The following USP6 variants were observed in gnomAD, a reference collection of about 807,000 sequenced individuals.
USP6 encodes the protein ubiquitin specific peptidase 6.
In USP6, 128 loss-of-function variants were observed where a neutral mutation model predicts 175.7. That is an observed-to-expected ratio of 0.73 (90% CI 0.63 to 0.84). The LOEUF is 0.84. Ranked by LOEUF, USP6 falls within the 40% of genes least tolerant of loss-of-function variation. The pLI, the probability that USP6 is intolerant of heterozygous loss-of-function variation, is 0.00. For synonymous variants in USP6, 562 were observed against 630.6 expected (o/e 0.89, Z 1.63); for missense variants, 1,498 against 1,760.3 (o/e 0.85, Z 2.67).
intron 6 of USP6, among the ~76,000 whole-genome samples, chr17:5,127,233 G>A (rs1225968557): frequency 1.3e-5 from 2 of 151,894 alleles, no homozygotes; most frequent in African/African-American, 4.8e-5. Context: ...GGGCTCCGCC[G>A]CCCCTAGTCC....
chr17:5,165,984 C>A (rs1454432837), intron 33 of USP6, among the ~76,000 whole-genome samples: 4 of 152,218 alleles, frequency 2.6e-5, no homozygotes, highest in Admixed American at 2.0e-4. Flanking sequence ...AGCTTACTCT[C>A]ATTTGTGGTT....
intron 31 of USP6, among the ~76,000 whole-genome samples, chr17:5,157,451 CA>C (rs2073908522): frequency 6.6e-6 from 1 of 152,134 alleles, no homozygotes; most frequent in Non-Finnish European, 1.5e-5. Context: ...AGGAAAACTG[CA>C]AATAATAGAT....
chr17:5,153,866 G>A (rs2073827172), intron 30 of USP6, among the ~76,000 whole-genome samples: 1 of 152,114 alleles, frequency 6.6e-6, no homozygotes, highest in Admixed American at 6.5e-5. Flanking sequence ...GTATTGGCCA[G>A]GCTGGTCTCG....
At chr17:5,137,799 C>A (rs376268736) in intron 20 of USP6, 49 bp downstream of exon 20, 102 of 1,599,946 alleles carry the variant, frequency 6.4e-5, no homozygotes, top group Non-Finnish European at 8.3e-5. Context: ...GCAGTCAGAC[C>A]CCGACTGGCC....
At position 5,132,917 on chromosome 17, in the gene USP6, G is replaced by A. The variant is rs754683811; in HGVS notation, c.203G>A (p.Arg68Gln). 2.5e-6 allele frequency: 4 copies of A among 1,614,156 alleles called. No homozygotes were observed. Among genetic ancestry groups the A allele is most frequent in the Admixed American group, 3.3e-5 (2 of 60,014 alleles). ...PVTAREAKKI[R>Q]REMTRTSKWM... ...ACATGCCTCATTTGACAGAAAATTC[G>A]GCGGGAGATGACACGAACGAGCAAG... Residue 68 changes from arginine to glutamine, a missense_variant, in exon 13 of 38, where the codon CGG (arginine) becomes CAG (glutamine). Coordinates refer to ENST00000574788, the MANE Select transcript of USP6 (RefSeq NM_001304284.2). The surrounding 1 kb of genome is among the most constrained non-coding windows in gnomAD (Gnocchi z 4.7).
chr17:5,141,366 A>G (rs1017475201), intron 22 of USP6, 59 bp from the exon 23 acceptor site: 22 of 1,481,060 alleles, frequency 1.5e-5, no homozygotes, highest in Non-Finnish European at 1.9e-5. Context: ...AACAGAAGCA[A>G]TCAAGTGGGT....
chr17:5,122,464 C>A (rs144944451), intron 4 of USP6, among the ~76,000 whole-genome samples: 56 of 152,320 alleles, frequency 3.7e-4, no homozygotes, highest in African/African-American at 1.2e-3. Context: ...TTTTTGCTCC[C>A]CGAAAAGGTT....
Position 5,132,405 on chromosome 17 carries a change from G to A in USP6, c.165G>A (p.Glu55=), listed in dbSNP as rs1221724710. ...IDRFGILHET[E]LPPVTAREAK... ...CTGGGTTGCCTTACAGTGAGACGGAGCTGCCTCCTGTGACTGCACGGGAGG... is the reference window on the plus strand; with the variant it reads ...CTGGGTTGCCTTACAGTGAGACGGAACTGCCTCCTGTGACTGCACGGGAGG... The change falls in exon 12 of 38, where the codon GAG becomes GAA. Residue 55 remains glutamate (E), a synonymous_variant. Coordinates refer to ENST00000574788, the MANE Select transcript of USP6 (RefSeq NM_001304284.2). The surrounding 1 kb of genome is among the most constrained non-coding windows in gnomAD (Gnocchi z 4.7). 4 of 1,612,066 alleles carry A rather than the reference G, an allele frequency of 2.5e-6. No individual in the cohort carries two copies. Among genetic ancestry groups the A allele is most frequent in the East Asian group, 2.2e-5 (1 of 44,882 alleles).
chr17:5,117,573 G>T (rs568687869), intron 1 of USP6, among the ~76,000 whole-genome samples: 1 of 151,766 alleles, frequency 6.6e-6, no homozygotes, highest in Non-Finnish European at 1.5e-5. Context: ...AAATGGGGTC[G>T]CATCAGAATA....
Position 5,150,295 on chromosome 17 carries a change from AAAATAAATAAAT to A in USP6, c.2643+1560_2643+1571del, listed in dbSNP as rs201171351. On this transcript the variant is annotated intron_variant, in intron 30 of 37. Coordinates refer to ENST00000574788, the MANE Select transcript of USP6 (RefSeq NM_001304284.2). ...CAACAAGAGCGAAACTCCGTCTAAA[AAAATAAATAAAT>A]AAATAAATAAATAAATAAATAAATA... Among the ~76,000 whole-genome samples the A allele has an allele frequency of 8.1e-3, 1,121 of 138,874 alleles. 10 individuals carry two copies. The highest frequency in any genetic ancestry group is 0.012 in the African/African-American group (462 of 37,436). The allele number at this position is 138,874 out of a possible 152,430, so 91.1% of individuals were successfully genotyped here.
chr17:5,140,954 A>G (rs1274225558), intron 22 of USP6, among the ~76,000 whole-genome samples: 1 of 152,152 alleles, frequency 6.6e-6, no homozygotes, highest in Admixed American at 6.5e-5. Context: ...AATTTCTTAA[A>G]TTTTTTTAAG....
intron 30 of USP6, among the ~76,000 whole-genome samples, chr17:5,150,498 CTTTT>C (rs780429877): frequency 7.3e-6 from 1 of 137,316 alleles, no homozygotes. Context: ...AGAAATATAT[CTTTT>C]TTTTTTTTTT....
chr17:5,168,990 A>G lies in USP6; in HGVS notation c.3452A>G (p.Lys1151Arg). 1 of 1,614,024 alleles carries G rather than the reference A, an allele frequency of 6.2e-7. No individual in the cohort carries two copies. Among genetic ancestry groups the G allele is most frequent in the African/African-American group, 1.3e-5 (1 of 75,062 alleles). Residue 1151 changes from lysine to arginine, a missense_variant, in exon 35 of 38, where the codon AAA becomes AGA. Transcript: ENST00000574788. Reference protein sequence around the residue: ...KKVDAQSSAGKEDMLLSKSPS... With the variant: ...KKVDAQSSAGREDMLLSKSPS... ...GTGGATGCGCAGAGTTCGGCTGGAA[A>G]AGAGGACATGCTCCTAAGCAAAAGC...
chr17:5,145,653 CAT>C (rs2073586091), intron 27 of USP6, 74 bp downstream of exon 27: 1 of 1,473,316 alleles, frequency 6.8e-7, no homozygotes, highest in African/African-American at 1.4e-5. Context: ...AATTTGTAAG[CAT>C]AGTTATTTGT....
intron 5 of USP6, 51 bp from the exon 6 acceptor site, chr17:5,125,770 T>G (rs928660323): frequency 2.0e-5 from 3 of 151,266 alleles, no homozygotes; most frequent in African/African-American, 4.9e-5. Flanking sequence ...AATGCGTGGG[T>G]TTTTTTTGTT....
intron 33 of USP6, among the ~76,000 whole-genome samples, chr17:5,166,289 G>A (rs981369041): frequency 6.6e-6 from 1 of 152,148 alleles, no homozygotes; most frequent in African/African-American, 2.4e-5. Flanking sequence ...TTTTAAATGA[G>A]CTCTTTAGCC....
rs2074200724 is a variant in USP6, at chr17:5,170,830, T to C, written c.3869T>C (p.Leu1290Pro). 6.2e-7 allele frequency: 1 copy of C among 1,613,164 alleles called. No individual in the cohort carries two copies. The highest frequency in any genetic ancestry group is 1.1e-5 in the South Asian group (1 of 91,046). ...GGCGATGGCTACAGCAATGGTCAGC[T>C]TGGAAACCACAGTGAAGAAGACAGC... ...GCGDGYSNGQ[L>P]GNHSEEDSTD... The change falls in exon 36 of 38, where the codon CTT becomes CCT. Residue 1290 changes from leucine (L) to proline (P), a missense_variant. By Grantham distance (98) the Leu-to-Pro change is moderately conservative. Around this residue, in one of 2 missense-constraint regions of USP6, gnomAD observed 1,217 missense variants for 1,500.8 expected, o/e 0.81. Transcript: ENST00000574788.
At position 5,171,654 on chromosome 17, in the gene USP6, A is replaced by G. The variant is rs1160472453; in HGVS notation, c.4022A>G (p.Tyr1341Cys). The change falls in exon 37 of 38, where the codon TAC becomes TGC. Residue 1341 changes from tyrosine to cysteine, a missense_variant. Transcript: ENST00000574788. ...GCCAAAAACCCAAACTGCAAGTGGT[A>G]CTGTTATAATGACAGCAGCTGTGAG... ...TYAKNPNCKW[Y>C]CYNDSSCEEL... 6.2e-7 allele frequency: 1 copy of G among 1,613,778 alleles called. No individual in the cohort carries two copies. The highest frequency in any genetic ancestry group is 8.5e-7 in the Non-Finnish European group (1 of 1,179,826).
chr17:5,166,565 G>A (rs2074100273), intron 33 of USP6, among the ~76,000 whole-genome samples: 1 of 152,116 alleles, frequency 6.6e-6, no homozygotes, highest in Non-Finnish European at 1.5e-5. Context: ...GGACATATGT[G>A]ACATTTGCCA....
Sources: allele counts gnomAD v4.1 joint callset (sites outside exome capture counted in the v4.1 genomes callset), GRCh38; gene constraint gnomAD v4.1.1; regional missense constraint gnomAD v4.1.1; non-coding constraint Gnocchi (gnomAD v3.1); transcripts MANE v1.5; gene names NCBI Gene and HGNC (gene_info 2026-07-23, HGNC 2026-07-21).